SYNJ2: variants seen among roughly 807,000 people sequenced by gnomAD.
SYNJ2 encodes the protein synaptojanin 2.
A neutral mutation model predicts 141.3 loss-of-function variants in SYNJ2; 116 were observed. The observed-to-expected ratio is 0.82, with a 90% CI of 0.71 to 0.96. The LOEUF (loss-of-function observed/expected upper bound fraction) is 0.96. Ranked by LOEUF, SYNJ2 falls within the 40% of genes least tolerant of loss-of-function variation. The pLI is 0.00. For synonymous variants in SYNJ2, 745 were observed against 777.7 expected (o/e 0.96, Z 0.70); for missense variants, 1,873 against 1,934.8 (o/e 0.97, Z 0.60).
Position 158,096,555 on chromosome 6 carries a change from C to T in SYNJ2, c.*191C>T, listed in dbSNP as rs1783812155. On this transcript the variant is annotated 3_prime_UTR_variant, in exon 27 of 27. Transcript: ENST00000355585. ...GTTACTCAGCCACCAAAATATATTTCACTCAAGGCTTGTACATCTGAAGTT... is the reference window on the plus strand; with the variant it reads ...GTTACTCAGCCACCAAAATATATTTTACTCAAGGCTTGTACATCTGAAGTT... 3.5e-6 allele frequency: 2 copies of T among 563,512 alleles called. No individual in the cohort carries two copies. The highest frequency in any genetic ancestry group is 5.9e-6 in the Non-Finnish European group (2 of 337,946). 34.9% of individuals were successfully genotyped at this position (563,512 alleles called of 1,614,324 possible). A position where few individuals can be genotyped will look rare whatever the true frequency, so the allele number is the denominator to read the frequency against.
At position 157,987,514 on chromosome 6, in the gene SYNJ2, G is replaced by A. The variant is rs1026318291; in HGVS notation, c.127+5426G>A. On this transcript the variant is annotated intron_variant, in intron 1 of 26. Coordinates refer to ENST00000355585, the MANE Select transcript of SYNJ2 (RefSeq NM_003898.4). ...CCTCCCAGGTTCAAGCGATTCTCCT[G>A]CCTCAGCCTCCTGAGTAGCTGGGAC... Among the ~76,000 whole-genome samples the A allele has an allele frequency of 2.6e-5, 4 of 152,218 alleles. No individual in the cohort carries two copies. In the East Asian group the frequency reaches 7.7e-4, roughly 29 times the overall value.
intron 5 of SYNJ2, among the ~76,000 whole-genome samples, chr6:158,049,753 CGGCTCTGCAGGTGGGGACAT>C (rs951585123): frequency 4.0e-5 from 6 of 150,068 alleles, no homozygotes; most frequent in African/African-American, 1.5e-4. Context: ...GGTGGGGACA[CGGCTCTGCAGGTGGGGACAT>C]GGCTCTGCAG....
intron 2 of SYNJ2, among the ~76,000 whole-genome samples, chr6:158,018,470 C>T (rs767760600): frequency 1.3e-5 from 2 of 152,228 alleles, no homozygotes; most frequent in Non-Finnish European, 2.9e-5. Flanking sequence ...CACCTCCCTT[C>T]CCTGCTCACA....
At chr6:158,036,026 A>G (rs1401507933) in intron 4 of SYNJ2, among the ~76,000 whole-genome samples, 2 of 152,200 alleles carry the variant, frequency 1.3e-5, no homozygotes, top group Admixed American at 6.5e-5. Context: ...TTTTCAAAAG[A>G]AGGCATACAT....
intron 2 of SYNJ2, among the ~76,000 whole-genome samples, chr6:158,023,290 C>CA (rs1195966689): frequency 2.1e-5 from 3 of 142,598 alleles, no homozygotes; most frequent in African/African-American, 7.8e-5. Context: ...AGCAAACAAA[C>CA]AAAAAACCCA....
intron 18 of SYNJ2, 188 bp downstream of exon 18, chr6:158,078,469 A>G (rs1244749196): frequency 4.9e-6 from 2 of 410,786 alleles, no homozygotes; most frequent in East Asian, 7.3e-5. Context: ...CCAAGAACTA[A>G]TTAATCTTAG....
rs1436205714 is a variant in SYNJ2 at position 158,084,140 on chromosome 6, T to C, written c.3174T>C (p.Ala1058=). 6.2e-7 allele frequency: 1 copy of C among 1,613,992 alleles called. No homozygotes were observed. The highest frequency in any genetic ancestry group is 8.5e-7 in the Non-Finnish European group (1 of 1,180,026). ...TGGCTCCTCCCAGCAAGTCACCTGC[T>C]CTCACCAAAAAGAAGCAGCATCCAA... ...TALAPPSKSP[A]LTKKKQHPTY... is the part of the protein sequence containing the mutation. Residue 1058 remains alanine, a synonymous_variant, in exon 22 of 27, where the codon GCT becomes GCC. Coordinates refer to ENST00000355585, the MANE Select transcript of SYNJ2 (RefSeq NM_003898.4). This position sits in a 1 kb window ranked among gnomAD's most constrained non-coding sequence, Gnocchi z 5.0.
In SYNJ2 at chr6:158,064,713, T is replaced by G; in HGVS notation, c.1322T>G (p.Val441Gly). The change falls in exon 10 of 27, where the codon GTG becomes GGG. Residue 441 changes from valine (V) to glycine (G), a missense_variant. Transcript: ENST00000355585. ...CTGAATGGCCACAGCCTGAGCAAGG[T>G]GTTCACAGGCAGCAGAGCCCTGGAA... ...WSLNGHSLSK[V>G]FTGSRALEGK... 6.2e-7 allele frequency: 1 copy of G among 1,613,780 alleles called. No homozygotes were observed. Among genetic ancestry groups the G allele is most frequent in the Non-Finnish European group, 8.5e-7 (1 of 1,179,974 alleles).
chr6:158,064,048 GA>G (rs1275158139), intron 9 of SYNJ2, among the ~76,000 whole-genome samples, 176 bp downstream of exon 9: 2 of 152,204 alleles, frequency 1.3e-5, no homozygotes, highest in Non-Finnish European at 2.9e-5. Context: ...GGTTCCCCAG[GA>G]GGCTGCTTTC....
At chr6:158,000,700 C>T (rs1211751606) in intron 1 of SYNJ2, among the ~76,000 whole-genome samples, 2 of 152,140 alleles carry the variant, frequency 1.3e-5, no homozygotes, top group African/African-American at 4.8e-5. Context: ...AAACACAACC[C>T]CCGCCACCCC....
At chr6:158,002,726 C>G (rs1583300758) in intron 1 of SYNJ2, among the ~76,000 whole-genome samples, 1 of 152,248 alleles carries the variant, frequency 6.6e-6, no homozygotes, top group South Asian at 2.1e-4. Context: ...TTCTTGTTCC[C>G]TGTTGGGTAG....
chr6:158,003,625 C>T (rs1449042067), intron 1 of SYNJ2, among the ~76,000 whole-genome samples: 4 of 152,162 alleles, frequency 2.6e-5, no homozygotes, highest in Non-Finnish European at 4.4e-5. Flanking sequence ...ACCTGTGGGC[C>T]GGGCTTCGTT....
At chr6:158,034,731 C>CA (rs1444871754) in intron 4 of SYNJ2, among the ~76,000 whole-genome samples, 1 of 152,200 alleles carries the variant, frequency 6.6e-6, no homozygotes, top group Non-Finnish European at 1.5e-5. Context: ...TTGCTTTTGG[C>CA]ATCTTCGTCA....
chr6:158,017,206 C>T lies in SYNJ2; in HGVS notation c.130C>T (p.Pro44Ser). The change falls in exon 2 of 27, where the codon CCA (proline) becomes TCA (serine). Residue 44 changes from proline (P) to serine (S), a missense_variant and splice_region_variant. Pro to Ser is a moderately conservative substitution (Grantham distance 74). Transcript: ENST00000355585. ...FEAGTVATLAPEEKEVIKGQY... is the reference protein window; with the variant it reads ...FEAGTVATLASEEKEVIKGQY... ...TCTGTGATGTGTTTCTTCCCCAGCT[C>T]CAGAAGAAAAGGAAGTCATTAAAGG... The T allele has an allele frequency of 6.2e-7, 1 of 1,612,802 alleles. No individual in the cohort carries two copies. Among genetic ancestry groups the T allele is most frequent in the Non-Finnish European group, 8.5e-7 (1 of 1,179,546 alleles).
chr6:158,020,300 C>G (rs1350826029), intron 2 of SYNJ2, among the ~76,000 whole-genome samples: 1 of 149,588 alleles, frequency 6.7e-6, no homozygotes, highest in Non-Finnish European at 1.5e-5. Context: ...GTGTGACCCC[C>G]ACCTGTGTGA....
chr6:158,045,247 A>G (rs893548435), intron 5 of SYNJ2, among the ~76,000 whole-genome samples: 3 of 151,934 alleles, frequency 2.0e-5, no homozygotes, highest in Non-Finnish European at 2.9e-5. Flanking sequence ...AGCTGGGACT[A>G]CAGGTGCCCA....
chr6:158,094,096 G>A (rs564612586), intron 26 of SYNJ2: 16 of 679,148 alleles, frequency 2.4e-5, no homozygotes, highest in African/African-American at 2.3e-4. Flanking sequence ...AGTGTGAGGG[G>A]GGCTTCGGCT....
chr6:158,093,785 T>C, intron 26 of SYNJ2: 1 of 699,370 alleles, frequency 1.4e-6, no homozygotes, highest in South Asian at 1.6e-5. Flanking sequence ...TTCAAGGCAT[T>C]AGGAAAACAG....
chr6:158,085,498 T>G (rs1300566987), intron 22 of SYNJ2, among the ~76,000 whole-genome samples: 2 of 152,156 alleles, frequency 1.3e-5, no homozygotes, highest in Admixed American at 6.5e-5. Flanking sequence ...GTGCAGGAGC[T>G]TAGCCACGCA....
Sources: allele counts gnomAD v4.1 joint callset (sites outside exome capture counted in the v4.1 genomes callset), GRCh38; gene constraint gnomAD v4.1.1; non-coding constraint Gnocchi (gnomAD v3.1); transcripts MANE v1.5; gene names NCBI Gene and HGNC (gene_info 2026-07-23, HGNC 2026-07-21).